Variants in CMIP observed in about 807,000 individuals in gnomAD.
CMIP encodes the protein C-Maf-inducing protein.
Under a neutral mutation model 97.3 loss-of-function variants are expected in CMIP, and 13 were observed. The ratio of observed to expected loss-of-function variants is 0.13; its 90% CI spans 0.09 to 0.21. The LOEUF (loss-of-function observed/expected upper bound fraction) is 0.21, where lower values mean the gene tolerates loss of function less well. Ranked by LOEUF, CMIP falls within the 10% of genes least tolerant of loss-of-function variation. CMIP has a pLI of 1.00. For synonymous variants in CMIP, 538 were observed against 436.3 expected (o/e 1.23, Z -2.91); for missense variants, 847 against 1,024.9 (o/e 0.83, Z 2.37).
At chr16:81,681,991 T>G (rs1904918324) in intron 10 of CMIP, among the ~76,000 whole-genome samples, 1 of 149,684 alleles carries the variant, frequency 6.7e-6, no homozygotes, top group Non-Finnish European at 1.5e-5. Context: ...GGGGAATTAC[T>G]TGAGGCCTCA....
chr16:81,529,019 G>C (rs1382094845), intron 1 of CMIP, among the ~76,000 whole-genome samples: 1 of 151,866 alleles, frequency 6.6e-6, no homozygotes, highest in Non-Finnish European at 1.5e-5. Flanking sequence ...ATCACTTACT[G>C]ATGGCTTTAC....
intron 1 of CMIP, among the ~76,000 whole-genome samples, chr16:81,477,315 C>G (rs10438632): frequency 0.15 from 22,857 of 152,120 alleles, 1,823 homozygotes; most frequent in Non-Finnish European, 0.17. Context: ...CCACCACACC[C>G]ACGCCTGGCT....
intron 1 of CMIP, among the ~76,000 whole-genome samples, chr16:81,565,001 C>G (rs1047981549): frequency 6.6e-6 from 1 of 151,402 alleles, no homozygotes; most frequent in African/African-American, 2.4e-5. Context: ...GAGCAGGGGT[C>G]TCCAGAGGGG....
At chr16:81,481,702 C>T (rs902188062) in intron 1 of CMIP, among the ~76,000 whole-genome samples, 8 of 152,052 alleles carry the variant, frequency 5.3e-5, no homozygotes. Context: ...GTCAGAAGTC[C>T]ACAGTGAGTC....
chr16:81,483,386 G>C (rs2089261509), intron 1 of CMIP, among the ~76,000 whole-genome samples: 1 of 152,196 alleles, frequency 6.6e-6, no homozygotes, highest in Non-Finnish European at 1.5e-5. Context: ...CCTTGAGGAG[G>C]GTGGCAGGAG....
chr16:81,705,410 C>A (rs919195900), intron 18 of CMIP, 89 bp from the exon 19 acceptor site: 3 of 953,782 alleles, frequency 3.1e-6, no homozygotes, highest in South Asian at 1.6e-5. Context: ...AGGCTCTGTC[C>A]CCATCCCTTT....
chr16:81,459,620 T>C (rs1906782268), intron 1 of CMIP, among the ~76,000 whole-genome samples: 1 of 152,218 alleles, frequency 6.6e-6, no homozygotes, highest in Non-Finnish European at 1.5e-5. Context: ...TCGCTTTTAT[T>C]TTCTAAACGA....
chr16:81,640,710 C>T (rs2092294359), intron 3 of CMIP, among the ~76,000 whole-genome samples: 1 of 146,058 alleles, frequency 6.8e-6, no homozygotes, highest in Admixed American at 6.9e-5. Flanking sequence ...CCAGGCTCTG[C>T]CTCCATACGT....
At chr16:81,633,600 G>T (rs7204913) in intron 3 of CMIP, among the ~76,000 whole-genome samples, 1 of 152,266 alleles carries the variant, frequency 6.6e-6, no homozygotes. Flanking sequence ...CATTCTGCTC[G>T]CCGGAGCACC....
chr16:81,578,029 T>G (rs2091229544), intron 1 of CMIP, among the ~76,000 whole-genome samples: 1 of 150,986 alleles, frequency 6.6e-6, no homozygotes, highest in African/African-American at 2.5e-5. Flanking sequence ...ATCATCCCCA[T>G]TACCACTACT....
intron 1 of CMIP, among the ~76,000 whole-genome samples, chr16:81,496,197 A>G (rs571247814): frequency 6.6e-6 from 1 of 152,320 alleles, no homozygotes; most frequent in East Asian, 1.9e-4. Context: ...ACATGTGTAA[A>G]CAGGGCCTGG....
chr16:81,538,296 A>G (rs1157916231), intron 1 of CMIP, among the ~76,000 whole-genome samples: 1 of 152,192 alleles, frequency 6.6e-6, no homozygotes, highest in African/African-American at 2.4e-5. Context: ...CTTAAGACAT[A>G]GGCGGCCCCC....
At chr16:81,656,160 G>A (rs1003435273) in intron 4 of CMIP, among the ~76,000 whole-genome samples, 28 of 152,232 alleles carry the variant, frequency 1.8e-4, no homozygotes, top group Admixed American at 1.3e-4. Context: ...ATGGGGACCG[G>A]TAGAGACTCA....
intron 2 of CMIP, among the ~76,000 whole-genome samples, chr16:81,612,296 A>G (rs1215529603): frequency 6.6e-6 from 1 of 152,230 alleles, no homozygotes; most frequent in East Asian, 1.9e-4. Flanking sequence ...AGATAAGAGC[A>G]GGGAGACCCT....
At chr16:81,644,736 A>G (rs1443420184) in intron 3 of CMIP, among the ~76,000 whole-genome samples, 2 of 152,244 alleles carry the variant, frequency 1.3e-5, no homozygotes, top group Non-Finnish European at 2.9e-5. Context: ...ATAACCAGCC[A>G]GCCATTGTCC....
chr16:81,585,734 G>A lies in CMIP; in HGVS notation c.301-21833G>A, dbSNP rs150883961. On this transcript the variant is annotated intron_variant, in intron 1 of 20. Coordinates refer to ENST00000537098, the MANE Select transcript of CMIP (RefSeq NM_198390.3). ...TAGAAATTCCTTTGCATCTGCTGGA[G>A]GATTGGGCTGGAGAAGAACCCCACC... Among the ~76,000 whole-genome samples the A allele has an allele frequency of 3.4e-3, 429 of 126,770 alleles. 1 individual carries two copies. The highest frequency in any genetic ancestry group is 0.01 in the African/African-American group (398 of 38,004). 83.2% of individuals were successfully genotyped at this position (126,770 alleles called of 152,430 possible).
At chr16:81,508,633 G>T (rs1161612693) in intron 1 of CMIP, among the ~76,000 whole-genome samples, 1 of 152,242 alleles carries the variant, frequency 6.6e-6, no homozygotes, top group African/African-American at 2.4e-5. Flanking sequence ...TGAAATGTCT[G>T]AGTCAAAGGT....
intron 1 of CMIP, among the ~76,000 whole-genome samples, chr16:81,459,878 T>G (rs1906799030): frequency 6.6e-6 from 1 of 152,208 alleles, no homozygotes; most frequent in South Asian, 2.1e-4. Flanking sequence ...GAGGTGGCCT[T>G]GTCAGATGCC....
rs567342063 is a variant in CMIP, at chr16:81,530,267, C to A, written c.301-77300C>A. 2.0e-5 allele frequency among the ~76,000 whole-genome samples: 3 copies of A among 152,256 alleles called. No individual in the cohort carries two copies. The East Asian group carries it at 5.8e-4, about 29-fold the overall frequency. ...ACTAGAGGATTCTGATACTTTATTACCCCAGGCGAATGTGATTTGAGTAGA... is the reference window on the plus strand; with the variant it reads ...ACTAGAGGATTCTGATACTTTATTAACCCAGGCGAATGTGATTTGAGTAGA... On this transcript the variant is annotated intron_variant, in intron 1 of 20. Coordinates refer to ENST00000537098, the MANE Select transcript of CMIP (RefSeq NM_198390.3).
Sources: gnomAD v4.1 joint callset for allele counts (sites outside exome capture counted in the v4.1 genomes callset) on GRCh38, gnomAD v4.1.1 for gene constraint, MANE v1.5 for transcripts, NCBI Gene and HGNC (gene_info 2026-07-23, HGNC 2026-07-21) for gene names.